The following TLK1 variants were observed in gnomAD, a reference collection of about 807,000 sequenced individuals.
TLK1 encodes the protein tousled like kinase 1.
A neutral mutation model predicts 105.3 loss-of-function variants in TLK1; 24 were observed. That is an observed-to-expected ratio of 0.23 (90% CI 0.17 to 0.32). TLK1 has a LOEUF of 0.32. Among genes scored for constraint, TLK1 ranks in the 10% least tolerant of loss-of-function variants. The pLI, the probability that TLK1 is intolerant of heterozygous loss-of-function variation, is 1.00. For missense variants in TLK1, 558 were observed against 910.5 expected (o/e 0.61, Z 4.98); for synonymous variants, 321 against 310.4 (o/e 1.03, Z -0.36).
Position 171,055,217 on chromosome 2 carries a change from A to C in TLK1, c.550-45T>G, listed in dbSNP as rs781381963. On this transcript the variant is annotated intron_variant, in intron 6 of 20. Transcript: ENST00000431350. The stretch of plus-strand genomic sequence containing the variant: ...TTTTATATTAGCAAAAAAAAAAAAA[A>C]AAAACACAAAACAAAACAGATTTCT... 28 of 1,191,024 alleles carry C rather than the reference A, an allele frequency of 2.4e-5. No homozygotes were observed. The Admixed American group carries it at 4.9e-4, about 21-fold the overall frequency. 73.8% of individuals were successfully genotyped at this position (1,191,024 alleles called of 1,614,324 possible). A position where few individuals can be genotyped will look rare whatever the true frequency, so the allele number is the denominator to read the frequency against.
At chr2:171,023,123 G>A (rs1398309912) in intron 12 of TLK1, 2 of 470,996 alleles carry the variant, frequency 4.2e-6, no homozygotes, top group Non-Finnish European at 8.8e-6. Flanking sequence ...TTGCTATACT[G>A]TTATCTCTTC....
At chr2:171,082,356 A>C (rs999420981) in intron 3 of TLK1, among the ~76,000 whole-genome samples, 1 of 152,184 alleles carries the variant, frequency 6.6e-6, no homozygotes, top group African/African-American at 2.4e-5. Context: ...GCATGATTCC[A>C]TAAGAAATTC....
intron 1 of TLK1, among the ~76,000 whole-genome samples, chr2:171,171,901 A>T (rs981752853): frequency 1.3e-5 from 2 of 152,220 alleles, no homozygotes; most frequent in Non-Finnish European, 2.9e-5. Flanking sequence ...TCTGTGATCC[A>T]TCAATTTCAT....
intron 1 of TLK1, among the ~76,000 whole-genome samples, chr2:171,135,532 G>A (rs1691280152): frequency 6.6e-6 from 1 of 152,024 alleles, no homozygotes. Context: ...CAGGCACGGT[G>A]GTTCATGCCT....
At chr2:171,154,723 T>C (rs149061642) in intron 1 of TLK1, among the ~76,000 whole-genome samples, 9 of 152,348 alleles carry the variant, frequency 5.9e-5, no homozygotes, top group Admixed American at 3.3e-4. Flanking sequence ...TAATTTATTT[T>C]AAGATTCTTG....
chr2:170,993,543 T>C lies in TLK1; in HGVS notation c.*237A>G. 2.7e-6 allele frequency: 1 copy of C among 367,354 alleles called. No individual in the cohort carries two copies. Among genetic ancestry groups the C allele is most frequent in the Non-Finnish European group, 4.8e-6 (1 of 210,456 alleles). The allele number at this position is 367,354 out of a possible 1,614,324, so 22.8% of individuals were successfully genotyped here. A position where few individuals can be genotyped will look rare whatever the true frequency, so the allele number is the denominator to read the frequency against. ...CCTGTTTCTGTGTAACAGGCAGTCA[T>C]CCTTCCTTCACTGCTCAAAATTATA... On this transcript the variant is annotated 3_prime_UTR_variant, in exon 21 of 21. Transcript: ENST00000431350.
rs1553473040 is a variant in TLK1, at chr2:171,073,881, C to CT, written c.330+8899_330+8900insA. ...AGAATAAACTTAACATTCCCCCCCC[C>CT]CCTCCTTTTTTTTTCTTTCTTTTTT... On this transcript the variant is annotated intron_variant, in intron 3 of 20. Coordinates refer to ENST00000431350, the MANE Select transcript of TLK1 (RefSeq NM_012290.5). Among the ~76,000 whole-genome samples the CT allele has an allele frequency of 4.6e-5, 6 of 129,090 alleles. No homozygotes were observed. The South Asian group carries it at 1.6e-3, about 35-fold the overall frequency. The allele number at this position is 129,090 out of a possible 152,430, so 84.7% of individuals were successfully genotyped here. A position where few individuals can be genotyped will look rare whatever the true frequency, so the allele number is the denominator to read the frequency against.
intron 1 of TLK1, among the ~76,000 whole-genome samples, chr2:171,149,665 G>A (rs1558969393): frequency 6.6e-6 from 1 of 152,140 alleles, no homozygotes; most frequent in Non-Finnish European, 1.5e-5. Flanking sequence ...CAACACTTTG[G>A]GAGGCAGAGG....
intron 10 of TLK1, among the ~76,000 whole-genome samples, chr2:171,048,293 A>G (rs925792527): frequency 6.6e-6 from 1 of 152,182 alleles, no homozygotes. Context: ...CTACTAGTAG[A>G]ATTTATATTT....
intron 3 of TLK1, chr2:171,066,906 G>A (rs1176273914): frequency 6.4e-7 from 1 of 1,550,448 alleles, no homozygotes; most frequent in Admixed American, 2.0e-5. Flanking sequence ...CTGAAGGGTG[G>A]GGGTTGGGAA....
chr2:171,148,157 T>C (rs1416031002), intron 1 of TLK1, among the ~76,000 whole-genome samples: 1 of 152,206 alleles, frequency 6.6e-6, no homozygotes, highest in Non-Finnish European at 1.5e-5. Context: ...CCCCAAGTGC[T>C]GCTATTACAG....
intron 18 of TLK1, among the ~76,000 whole-genome samples, chr2:171,004,804 A>C (rs1313629044): frequency 2.0e-5 from 3 of 152,240 alleles, no homozygotes; most frequent in Non-Finnish European, 4.4e-5. Context: ...TGCTAAAAGA[A>C]AAAAGTCCAA....
intron 1 of TLK1, among the ~76,000 whole-genome samples, chr2:171,120,846 C>T (rs1180024604): frequency 6.6e-6 from 1 of 152,188 alleles, no homozygotes; most frequent in Non-Finnish European, 1.5e-5. Flanking sequence ...TGTACAAACA[C>T]ATTTACAGCA....
chr2:171,021,665 TTC>T (rs1037469976), intron 12 of TLK1, among the ~76,000 whole-genome samples: 10 of 152,284 alleles, frequency 6.6e-5, no homozygotes, highest in African/African-American at 2.4e-4. Flanking sequence ...AGCAACTGTT[TTC>T]TCTTTTTTGT....
intron 1 of TLK1, among the ~76,000 whole-genome samples, chr2:171,131,797 A>T (rs76055026): frequency 0.032 from 4,879 of 152,256 alleles, 255 homozygotes; most frequent in African/African-American, 0.11. Flanking sequence ...CAATGTCAAC[A>T]ATGGCTTATT....
rs913711082 is a variant in TLK1 at position 171,021,109 on chromosome 2, T to TG, written c.1237-6162dup. 3.3e-5 allele frequency among the ~76,000 whole-genome samples: 5 copies of TG among 152,288 alleles called. No homozygotes were observed. In the South Asian group the frequency reaches 6.2e-4, roughly 19 times the overall value. ...CTCTCCCTTCAAATGCATAAATACA[T>TG]GCATTAATACCCGTAACTTGGAATG... On this transcript the variant is annotated intron_variant, in intron 12 of 20. Coordinates refer to ENST00000431350, the MANE Select transcript of TLK1 (RefSeq NM_012290.5).
intron 7 of TLK1, chr2:171,054,827 T>C (rs1687418310): frequency 3.9e-6 from 1 of 259,006 alleles, no homozygotes; most frequent in South Asian, 1.7e-4. Context: ...TACATATACT[T>C]GGAAATTAAG....
chr2:171,072,348 T>C (rs1300995140), intron 3 of TLK1, among the ~76,000 whole-genome samples: 1 of 152,228 alleles, frequency 6.6e-6, no homozygotes, highest in Non-Finnish European at 1.5e-5. Context: ...GTGCGGTGGC[T>C]CACGCCCATA....
chr2:171,116,561 A>C (rs1297631104), intron 2 of TLK1, among the ~76,000 whole-genome samples: 1 of 151,974 alleles, frequency 6.6e-6, no homozygotes, highest in Non-Finnish European at 1.5e-5. Flanking sequence ...TTAGCCAGGC[A>C]TGGTGGTGAG....
Sources: allele counts gnomAD v4.1 joint callset (sites outside exome capture counted in the v4.1 genomes callset), GRCh38; gene constraint gnomAD v4.1.1; transcripts MANE v1.5; gene names NCBI Gene and HGNC (gene_info 2026-07-23, HGNC 2026-07-21).